RNPC3: variants seen among roughly 807,000 people sequenced by gnomAD.
The protein encoded by RNPC3 is RNA binding region (RNP1, RRM) containing 3.
Under a neutral mutation model 67.5 loss-of-function variants are expected in RNPC3, and 48 were observed. The ratio of observed to expected loss-of-function variants is 0.71; its 90% CI spans 0.56 to 0.90. RNPC3 has a LOEUF of 0.90. RNPC3 is among the 40% of genes least tolerant of loss of function. RNPC3 has a pLI of 0.00. For missense variants in RNPC3, 637 were observed against 626.1 expected, an observed-to-expected ratio of 1.02 and a Z score of -0.19; for synonymous variants, 239 against 210.3, an observed-to-expected ratio of 1.14 and a Z score of -1.18.
intron 2 of RNPC3, 33 bp downstream of exon 2, chr1:103,527,775 A>G: frequency 1.4e-6 from 2 of 1,451,616 alleles, no homozygotes; most frequent in Non-Finnish European, 1.9e-6. Flanking sequence ...AAAGTTGTCA[A>G]CAGGATCCTC....
chr1:103,545,366 T>G (rs1651218127), intron 10 of RNPC3: 1 of 283,776 alleles, frequency 3.5e-6, no homozygotes, highest in African/African-American at 2.3e-5. Context: ...CATGTGGCAT[T>G]TAAAATAAGT....
At chr1:103,543,967 C>T (rs1040660192) in intron 9 of RNPC3, among the ~76,000 whole-genome samples, 1 of 151,512 alleles carries the variant, frequency 6.6e-6, no homozygotes, top group Non-Finnish European at 1.5e-5. Context: ...TTGTTTTAAC[C>T]ATGAACTTGA....
chr1:103,540,297 G>A (rs1327606452), intron 7 of RNPC3, among the ~76,000 whole-genome samples: 5 of 152,162 alleles, frequency 3.3e-5, no homozygotes, highest in Non-Finnish European at 7.3e-5. Context: ...TGAATTTCGT[G>A]TTTAAATTTG....
chr1:103,533,907 G>GT (rs1359828485), intron 3 of RNPC3, 50 bp downstream of exon 3: 53 of 975,076 alleles, frequency 5.4e-5, no homozygotes, highest in Middle Eastern at 2.1e-4. Flanking sequence ...TAAAGTGTGT[G>GT]TTTTTTTAAA....
chr1:103,527,657 T>C, intron 1 of RNPC3, 38 bp from the exon 2 acceptor site: 1 of 1,472,458 alleles, frequency 6.8e-7, no homozygotes, highest in African/African-American at 1.4e-5. Flanking sequence ...GAAACTGAAA[T>C]TATATTGGAA....
intron 3 of RNPC3, 150 bp from the exon 4 acceptor site, chr1:103,534,624 G>C (rs1460635989): frequency 6.9e-6 from 4 of 583,648 alleles, no homozygotes; most frequent in Non-Finnish European, 1.2e-5. Context: ...CCATTTATTG[G>C]TGTTTGCTTG....
In RNPC3 at chr1:103,533,858, G is replaced by A; in HGVS notation, c.359+1G>A. Reference sequence around the variant, plus strand: ...CTTCAGGCTCTGAAAAAAAAAAAAGGTATGTAGATCAGTAAATCATACATT... The same window carrying A: ...CTTCAGGCTCTGAAAAAAAAAAAAGATATGTAGATCAGTAAATCATACATT... On this transcript the variant is annotated splice_donor_variant, in intron 3 of 14. Coordinates refer to ENST00000423855, the MANE Select transcript of RNPC3 (RefSeq NM_017619.4). LOFTEE classifies it high-confidence loss of function. The A allele has an allele frequency of 7.3e-7, 1 of 1,378,076 alleles. No homozygotes were observed. The highest frequency in any genetic ancestry group is 9.9e-7 in the Non-Finnish European group (1 of 1,005,548). The allele number at this position is 1,378,076 out of a possible 1,614,324, so 85.4% of individuals were successfully genotyped here.
intron 8 of RNPC3, among the ~76,000 whole-genome samples, chr1:103,541,824 C>G (rs1052037823): frequency 1.3e-5 from 2 of 151,976 alleles, no homozygotes; most frequent in African/African-American, 4.8e-5. Flanking sequence ...ATTACTGTCA[C>G]TAGTGTAATA....
chr1:103,551,983 T>A, intron 14 of RNPC3, 191 bp downstream of exon 14: 1 of 406,206 alleles, frequency 2.5e-6, no homozygotes, highest in South Asian at 5.3e-5. Flanking sequence ...TATGTGAAAA[T>A]TAAGTTTGGA....
intron 11 of RNPC3, chr1:103,546,770 C>T: frequency 2.3e-6 from 1 of 429,560 alleles, no homozygotes; most frequent in Non-Finnish European, 4.1e-6. Context: ...GTGGAAGCAT[C>T]ACCACAATTT....
chr1:103,554,195 A>C (rs1385029820), intron 14 of RNPC3: 1 of 152,182 alleles, frequency 6.6e-6, no homozygotes, highest in Non-Finnish European at 1.5e-5. Context: ...CCCTACAAAA[A>C]ATACAAAAAT....
chr1:103,536,433 A>T (rs1650988892), intron 6 of RNPC3, among the ~76,000 whole-genome samples: 1 of 152,176 alleles, frequency 6.6e-6, no homozygotes, highest in South Asian at 2.1e-4. Flanking sequence ...AAGTTTTTTG[A>T]GCCAAAACAT....
intron 14 of RNPC3, chr1:103,553,670 A>G (rs190566655): frequency 3.9e-5 from 6 of 152,274 alleles, no homozygotes; most frequent in Non-Finnish European, 5.9e-5. Flanking sequence ...CTGTTGTGTA[A>G]TATATCTGGT....
intron 7 of RNPC3, among the ~76,000 whole-genome samples, chr1:103,538,400 G>C (rs1651045943): frequency 1.3e-5 from 2 of 152,082 alleles, no homozygotes; most frequent in Non-Finnish European, 2.9e-5. Context: ...GTGCTCTTTA[G>C]TGTTCCTGAG....
At position 103,526,050 on chromosome 1, in the gene RNPC3, G is replaced by C. The variant is rs1017810421; in HGVS notation, c.-21G>C. The C allele has an allele frequency of 6.7e-7, 1 of 1,503,076 alleles. No individual in the cohort carries two copies. Among genetic ancestry groups the C allele is most frequent in the Non-Finnish European group, 8.9e-7 (1 of 1,117,532 alleles). 93.1% of individuals were successfully genotyped at this position (1,503,076 alleles called of 1,614,324 possible). A position where few individuals can be genotyped will look rare whatever the true frequency, so the allele number is the denominator to read the frequency against. ...ACTGAGACTTCTTCCCACGATTTCT[G>C]TTTTTGCTTCTCCAAGGAAAATGGC... On this transcript the variant is annotated 5_prime_UTR_variant, in exon 1 of 15. Transcript: ENST00000423855.
intron 2 of RNPC3, among the ~76,000 whole-genome samples, chr1:103,532,393 G>A (rs1367369556): frequency 1.3e-5 from 2 of 152,114 alleles, no homozygotes; most frequent in African/African-American, 2.4e-5. Flanking sequence ...TTTGGGGCTG[G>A]GGGAAAGATT....
intron 2 of RNPC3, among the ~76,000 whole-genome samples, chr1:103,530,390 T>C (rs1243714828): frequency 6.6e-6 from 1 of 151,840 alleles, no homozygotes; most frequent in Admixed American, 6.6e-5. Flanking sequence ...GCGAAGGGAG[T>C]TAGCTAATGA....
intron 7 of RNPC3, among the ~76,000 whole-genome samples, chr1:103,538,199 A>C (rs1651041553): frequency 6.6e-6 from 1 of 152,140 alleles, no homozygotes; most frequent in Non-Finnish European, 1.5e-5. Context: ...ATGTGATGAA[A>C]AATTTGAGTC....
intron 2 of RNPC3, among the ~76,000 whole-genome samples, chr1:103,532,533 A>G (rs1017689550): frequency 1.3e-5 from 2 of 152,120 alleles, no homozygotes; most frequent in African/African-American, 4.8e-5. Flanking sequence ...ATTAGCATAC[A>G]GATTTAAAGT....
Sources: allele counts gnomAD v4.1 joint callset (sites outside exome capture counted in the v4.1 genomes callset), GRCh38; gene constraint gnomAD v4.1.1; transcripts MANE v1.5; gene names NCBI Gene and HGNC (gene_info 2026-07-23, HGNC 2026-07-21).